RNF138: variants seen among roughly 807,000 people sequenced by gnomAD.
RNF138 encodes E3 ubiquitin-protein ligase RNF138.
In RNF138, 12 loss-of-function variants were observed where a neutral mutation model predicts 31.0. The observed-to-expected ratio is 0.39, with a 90% CI of 0.25 to 0.63. The LOEUF (loss-of-function observed/expected upper bound fraction) is 0.63, where lower values mean the gene tolerates loss of function less well. Ranked by LOEUF, RNF138 falls within the 20% of genes least tolerant of loss-of-function variation. RNF138 has a pLI of 0.52. For synonymous variants in RNF138, 105 were observed against 99.5 expected (o/e 1.06, Z -0.33); for missense variants, 192 against 300.1 (o/e 0.64, Z 2.66).
intron 6 of RNF138, among the ~76,000 whole-genome samples, chr18:32,126,092 T>A (rs549752724): frequency 1.3e-5 from 2 of 152,180 alleles, no homozygotes; most frequent in South Asian, 4.1e-4. Context: ...TAAGATGTAC[T>A]TCATTTAAAC....
chr18:32,092,871 C>T lies in RNF138; in HGVS notation c.95C>T (p.Thr32Met). The T allele has an allele frequency of 6.3e-7, 1 of 1,578,150 alleles. No homozygotes were observed. The highest frequency in any genetic ancestry group is 8.6e-7 in the Non-Finnish European group (1 of 1,164,320). Reference sequence around the variant, plus strand: ...GTGCTCAAAACGCCCGTGCGGACCACGGCCTGTCAGCACGTGTGAGTAGAC... The same window carrying T: ...GTGCTCAAAACGCCCGTGCGGACCATGGCCTGTCAGCACGTGTGAGTAGAC... The part of the protein sequence containing the change: ...QEVLKTPVRT[T>M]ACQHVFCRKC... Residue 32 changes from threonine (T) to methionine (M), a missense_variant, in exon 2 of 8, where the codon ACG (threonine) becomes ATG (methionine). Thr to Met is a moderately conservative substitution (Grantham distance 81). Transcript: ENST00000261593.
intron 2 of RNF138, among the ~76,000 whole-genome samples, chr18:32,106,830 T>TG (rs1394875373): frequency 6.6e-6 from 1 of 152,106 alleles, no homozygotes; most frequent in African/African-American, 2.4e-5. Flanking sequence ...CCTCCCAAAG[T>TG]GCTGGTATTA....
At chr18:32,103,829 G>A (rs918425038) in intron 2 of RNF138, among the ~76,000 whole-genome samples, 4 of 145,280 alleles carry the variant, frequency 2.8e-5, no homozygotes, top group African/African-American at 7.7e-5. Flanking sequence ...AGCCGGGCGC[G>A]GTGGCGGGCA....
At position 32,131,227 on chromosome 18, in the gene RNF138, G is replaced by A. The variant is rs1416093378; in HGVS notation, c.*2040G>A. ...ATAGTCTTGTGTGTCTCACATATCA[G>A]CTTTTTCATAAGGAAAATACTTTAT... On this transcript the variant is annotated 3_prime_UTR_variant, in exon 8 of 8. Transcript: ENST00000261593. 6.6e-6 allele frequency: 1 copy of A among 152,056 alleles called. No homozygotes were observed. Among genetic ancestry groups the A allele is most frequent in the African/African-American group, 2.4e-5 (1 of 41,434 alleles). 9.4% of individuals were successfully genotyped at this position (152,056 alleles called of 1,614,324 possible). A position where few individuals can be genotyped will look rare whatever the true frequency, so the allele number is the denominator to read the frequency against.
chr18:32,103,759 C>T (rs1435631625), intron 2 of RNF138, among the ~76,000 whole-genome samples: 4 of 151,844 alleles, frequency 2.6e-5, no homozygotes, highest in South Asian at 2.1e-4. Context: ...GTCAGGAGAT[C>T]GAGATCATCC....
At chr18:32,104,376 C>G (rs940206792) in intron 2 of RNF138, among the ~76,000 whole-genome samples, 3 of 151,990 alleles carry the variant, frequency 2.0e-5, no homozygotes, top group African/African-American at 7.2e-5. Flanking sequence ...GCAAATATAC[C>G]TAGTTGTAAG....
chr18:32,096,608 G>A (rs2039810554), intron 2 of RNF138, among the ~76,000 whole-genome samples: 1 of 152,140 alleles, frequency 6.6e-6, no homozygotes, highest in Non-Finnish European at 1.5e-5. Context: ...ACGAACAGAA[G>A]GATAGGAAGA....
Position 32,130,415 on chromosome 18 carries a change from T to TA in RNF138, c.*1232dup, listed in dbSNP as rs572712996. 4.6e-5 allele frequency: 7 copies of TA among 152,384 alleles called. No individual in the cohort carries two copies. The highest frequency in any genetic ancestry group is 2.6e-4 in the Admixed American group (4 of 15,250). 9.4% of individuals were successfully genotyped at this position (152,384 alleles called of 1,614,324 possible). On this transcript the variant is annotated 3_prime_UTR_variant, in exon 8 of 8. Transcript: ENST00000261593. ...AACCACTGTTTCACTACTTTTTAGT[T>TA]AAAATTGGGTATGTTCTTAATATTC...
At chr18:32,111,992 G>T in intron 3 of RNF138, 73 bp downstream of exon 3, 2 of 1,320,466 alleles carry the variant, frequency 1.5e-6, no homozygotes, top group Non-Finnish European at 1.0e-6. Context: ...GAATTTTCTT[G>T]GTTGGTGTTT....
At chr18:32,105,727 C>A (rs1248689323) in intron 2 of RNF138, among the ~76,000 whole-genome samples, 1 of 152,128 alleles carries the variant, frequency 6.6e-6, no homozygotes, top group Non-Finnish European at 1.5e-5. Flanking sequence ...AGGAAAAGGC[C>A]ATGTCTAAAA....
intron 4 of RNF138, among the ~76,000 whole-genome samples, chr18:32,115,565 T>G (rs1484510128): frequency 1.3e-5 from 2 of 152,160 alleles, no homozygotes; most frequent in African/African-American, 4.8e-5. Flanking sequence ...GCCATCATGG[T>G]GAAACCTTGT....
intron 2 of RNF138, among the ~76,000 whole-genome samples, chr18:32,101,026 A>G (rs926636635): frequency 1.3e-5 from 2 of 152,162 alleles, no homozygotes; most frequent in African/African-American, 4.8e-5. Flanking sequence ...CCCTTTCTTT[A>G]GGAAGTGATA....
chr18:32,116,514 G>A (rs1040385643), intron 4 of RNF138, among the ~76,000 whole-genome samples: 4 of 149,324 alleles, frequency 2.7e-5, no homozygotes, highest in African/African-American at 4.9e-5. Flanking sequence ...GGAAGGAAAA[G>A]CTTTTTTTTT....
intron 5 of RNF138, 145 bp downstream of exon 5, chr18:32,123,719 C>T: frequency 2.1e-6 from 1 of 485,416 alleles, no homozygotes; most frequent in Non-Finnish European, 3.5e-6. Flanking sequence ...GTGGTGCGAT[C>T]TTGGCTCACT....
At chr18:32,107,601 A>G (rs1276413943) in intron 2 of RNF138, among the ~76,000 whole-genome samples, 1 of 151,766 alleles carries the variant, frequency 6.6e-6, no homozygotes, top group Non-Finnish European at 1.5e-5. Flanking sequence ...GCTCACTGCA[A>G]CCTCTGCCTC....
chr18:32,119,418 T>C (rs922874451), intron 4 of RNF138, among the ~76,000 whole-genome samples: 5 of 151,574 alleles, frequency 3.3e-5, no homozygotes, highest in African/African-American at 1.2e-4. Context: ...CTCATTTTAT[T>C]TTATTTTATT....
intron 2 of RNF138, among the ~76,000 whole-genome samples, chr18:32,111,530 G>T (rs1262956841): frequency 1.3e-5 from 2 of 152,118 alleles, no homozygotes; most frequent in Non-Finnish European, 2.9e-5. Flanking sequence ...AAGTTGTAAA[G>T]CAGACTTGAG....
chr18:32,112,324 A>G (rs1166806898), intron 3 of RNF138, among the ~76,000 whole-genome samples: 5 of 152,168 alleles, frequency 3.3e-5, no homozygotes, highest in Non-Finnish European at 7.4e-5. Context: ...GTTTGGGCAC[A>G]TGGATTTATG....
At chr18:32,093,013 C>A (rs1265764071) in intron 2 of RNF138, 127 bp downstream of exon 2, 1 of 495,114 alleles carries the variant, frequency 2.0e-6, no homozygotes, top group East Asian at 3.6e-5. Context: ...GTCGCTGCCC[C>A]GCGAGGTCCC....
Sources: gnomAD v4.1 joint callset for allele counts (sites outside exome capture counted in the v4.1 genomes callset) on GRCh38, gnomAD v4.1.1 for gene constraint, MANE v1.5 for transcripts, NCBI Gene and HGNC (gene_info 2026-07-23, HGNC 2026-07-21) for gene names.